PCNX2: variants seen among roughly 807,000 people sequenced by gnomAD.
PCNX2 encodes pecanex-like protein 2.
PCNX2 carries 168 observed loss-of-function variants against 223.8 expected under a neutral mutation model. The ratio of observed to expected loss-of-function variants is 0.75; its 90% CI spans 0.66 to 0.85. The LOEUF (loss-of-function observed/expected upper bound fraction) is 0.85. Among genes scored for constraint, PCNX2 ranks in the 40% least tolerant of loss-of-function variants. PCNX2 has a pLI of 0.00. For synonymous variants in PCNX2, 1,006 were observed against 1,052.6 expected (o/e 0.96, Z 0.86); for missense variants, 2,507 against 2,675.5 (o/e 0.94, Z 1.39).
At chr1:233,243,193 C>G (rs1401357263) in intron 8 of PCNX2, among the ~76,000 whole-genome samples, 1 of 152,150 alleles carries the variant, frequency 6.6e-6, no homozygotes, top group Admixed American at 6.5e-5. Context: ...ACTAACAATT[C>G]CCTATTCATA....
chr1:233,306,502 ATTAC>A, the PCNX2 span, among the ~76,000 whole-genome samples: 1 of 152,218 alleles, frequency 6.6e-6, no homozygotes, highest in East Asian at 1.9e-4. Context: ...GAAAAAGCTT[ATTAC>A]TTAATCAATC....
At chr1:233,087,068 T>C (rs1673642751) in intron 23 of PCNX2, 1 of 985,284 alleles carries the variant, frequency 1.0e-6, no homozygotes. Flanking sequence ...GGTCTGCAGG[T>C]TTCAGGACCG....
chr1:233,189,826 C>T (rs61178928), intron 15 of PCNX2, among the ~76,000 whole-genome samples: 11,199 of 152,154 alleles, frequency 0.074, 1,314 homozygotes, highest in African/African-American at 0.25. Context: ...CATAGTTTAT[C>T]CAGACACAGA....
In PCNX2 at chr1:232,984,289, C is replaced by T; in HGVS notation, c.*15G>A. Reference sequence around the variant, plus strand: ...GGTGTGGGGGAGCCAGCCTCCCCGCCCGGCCGCACGCCCGTCACTGCTCGT... The same window carrying T: ...GGTGTGGGGGAGCCAGCCTCCCCGCTCGGCCGCACGCCCGTCACTGCTCGT... On this transcript the variant is annotated 3_prime_UTR_variant, in exon 34 of 34. Coordinates refer to ENST00000258229, the MANE Select transcript of PCNX2 (RefSeq NM_014801.4). 6.3e-7 allele frequency: 1 copy of T among 1,579,998 alleles called. No homozygotes were observed. The highest frequency in any genetic ancestry group is 8.6e-7 in the Non-Finnish European group (1 of 1,162,804).
chr1:233,033,238 T>A, intron 25 of PCNX2: 1 of 960,172 alleles, frequency 1.0e-6, no homozygotes. Context: ...CAGACTTATT[T>A]ATTCCCACCT....
intron 23 of PCNX2, chr1:233,057,565 T>G (rs1672239694): frequency 2.9e-6 from 1 of 343,594 alleles, no homozygotes; most frequent in African/African-American, 2.1e-5. Flanking sequence ...GCACCAGATC[T>G]GCAAAATCAA....
At chr1:233,156,106 T>C (rs935707935) in intron 19 of PCNX2, among the ~76,000 whole-genome samples, 6 of 152,186 alleles carry the variant, frequency 3.9e-5, no homozygotes, top group African/African-American at 1.4e-4. Flanking sequence ...AATTCAAATA[T>C]TGGTGAAACA....
chr1:233,025,605 G>C lies in PCNX2; in HGVS notation c.4352-206C>G. Reference sequence around the variant, plus strand: ...TTTTATTCACTCACATTCAGTCTGAGTCTCTGTAGAAAATATATTTAAACG... The same window carrying C: ...TTTTATTCACTCACATTCAGTCTGACTCTCTGTAGAAAATATATTTAAACG... On this transcript the variant is annotated intron_variant, in intron 25 of 33. Coordinates refer to ENST00000258229, the MANE Select transcript of PCNX2 (RefSeq NM_014801.4). 3 of 638,854 alleles carry C rather than the reference G, an allele frequency of 4.7e-6. No individual in the cohort carries two copies. The South Asian group carries it at 6.5e-5, about 14-fold the overall frequency. The allele number at this position is 638,854 out of a possible 1,614,324, so 39.6% of individuals were successfully genotyped here.
chr1:233,097,451 T>C (rs931874279), intron 21 of PCNX2, among the ~76,000 whole-genome samples: 3 of 152,110 alleles, frequency 2.0e-5, no homozygotes, highest in Non-Finnish European at 4.4e-5. Context: ...AGGAGTTTGT[T>C]TTTTGCTCAT....
At chr1:233,054,200 A>G (rs16858557) in intron 25 of PCNX2, 68 bp downstream of exon 25, 110,293 of 1,430,666 alleles carry the variant, frequency 0.077, 4,689 homozygotes, top group African/African-American at 0.12. Flanking sequence ...ACTTCTTCCT[A>G]AAGTTTTGCT....
intron 17 of PCNX2, among the ~76,000 whole-genome samples, chr1:233,176,736 G>T (rs1327283573): frequency 6.6e-6 from 1 of 152,258 alleles, no homozygotes; most frequent in Non-Finnish European, 1.5e-5. Flanking sequence ...GCTCTAGGCT[G>T]GGGGCGGTGG....
At chr1:233,149,705 C>T (rs1490351703) in intron 19 of PCNX2, among the ~76,000 whole-genome samples, 1 of 152,128 alleles carries the variant, frequency 6.6e-6, no homozygotes, top group African/African-American at 2.4e-5. Context: ...ACTTACAAAA[C>T]CAGTAGAATG....
Position 233,025,374 on chromosome 1 carries a change from T to C in PCNX2, c.4377A>G (p.Val1459=), listed in dbSNP as rs1671047484. ...CCTCGTCGCCCTCCATGATGGCTTC[T>C]ACCTCCCTCTGCTGGCAGTAGGTTC... ...FRGTYCQQRE[V]EAIMEGDEED... Residue 1459 remains valine (V), a synonymous_variant, in exon 26 of 34, where the codon GTA becomes GTG. Coordinates refer to ENST00000258229, the MANE Select transcript of PCNX2 (RefSeq NM_014801.4). The C allele has an allele frequency of 6.2e-7, 1 of 1,613,964 alleles. No homozygotes were observed. Among genetic ancestry groups the C allele is most frequent in the Non-Finnish European group, 8.5e-7 (1 of 1,179,858 alleles).
chr1:233,065,541 TA>T (rs1672565431), intron 23 of PCNX2: 1 of 152,116 alleles, frequency 6.6e-6, no homozygotes, highest in Non-Finnish European at 1.5e-5. Context: ...TTACATGTTA[TA>T]AAAACACCTT....
chr1:233,101,482 ATTCTACCTCAG>A (rs1234505917), intron 21 of PCNX2, among the ~76,000 whole-genome samples: 2 of 152,236 alleles, frequency 1.3e-5, no homozygotes, highest in East Asian at 3.8e-4. Flanking sequence ...CCAGAAGCAG[ATTCTACCTCAG>A]TAGACAATGT....
At chr1:233,269,378 A>G (rs1265424541) in intron 1 of PCNX2, among the ~76,000 whole-genome samples, 1 of 152,250 alleles carries the variant, frequency 6.6e-6, no homozygotes, top group African/African-American at 2.4e-5. Context: ...TAGGCACAAT[A>G]ATGTAACAAG....
chr1:233,312,748 A>G, the PCNX2 span, among the ~76,000 whole-genome samples: 1 of 152,200 alleles, frequency 6.6e-6, no homozygotes, highest in South Asian at 2.1e-4. Context: ...AAAACTCCAA[A>G]GAGAGTTCAT....
chr1:233,180,800 G>A (rs1466632982), intron 15 of PCNX2: 4 of 152,108 alleles, frequency 2.6e-5, no homozygotes, highest in Admixed American at 1.3e-4. Flanking sequence ...TGAGCTGCAT[G>A]GCTACAAAGT....
At chr1:233,195,016 CA>C (rs574552463) in intron 15 of PCNX2, among the ~76,000 whole-genome samples, 2,096 of 63,406 alleles carry the variant, frequency 0.033, 11 homozygotes, top group Non-Finnish European at 0.043. Context: ...GATTCCATCT[CA>C]AAAAAAAAAA....
Sources: gnomAD v4.1 joint callset for allele counts (sites outside exome capture counted in the v4.1 genomes callset) on GRCh38, gnomAD v4.1.1 for gene constraint, MANE v1.5 for transcripts, NCBI Gene and HGNC (gene_info 2026-07-23, HGNC 2026-07-21) for gene names.